PACRG: variants seen among roughly 807,000 people sequenced by gnomAD.
PACRG encodes parkin coregulated, also known as parkin coregulated gene protein.
In PACRG, 29 loss-of-function variants were observed where a neutral mutation model predicts 29.7. That is an observed-to-expected ratio of 0.98 (90% confidence interval 0.73 to 1.33). The LOEUF (loss-of-function observed/expected upper bound fraction) is 1.33. Ranked by LOEUF, PACRG falls within the 40% of genes most tolerant of loss-of-function variation. PACRG has a pLI of 0.00. For synonymous variants in PACRG, 116 were observed against 118.7 expected (o/e 0.98, Z 0.15); for missense variants, 279 against 316.2 (o/e 0.88, Z 0.89).
chr6:162,769,367 C>T (rs908860925), intron 1 of PACRG, among the ~76,000 whole-genome samples: 2 of 151,584 alleles, frequency 1.3e-5, no homozygotes, highest in Non-Finnish European at 2.9e-5. Flanking sequence ...CGGGGACAAA[C>T]GTTATTTACT....
chr6:163,267,278 G>A (rs1365423732), intron 4 of PACRG, among the ~76,000 whole-genome samples: 1 of 152,092 alleles, frequency 6.6e-6, no homozygotes, highest in East Asian at 1.9e-4. Context: ...ACGAGTCCCC[G>A]CCTCTTCCTA....
intron 2 of PACRG, among the ~76,000 whole-genome samples, chr6:163,045,400 A>G (rs1809228188): frequency 6.6e-6 from 1 of 152,126 alleles, no homozygotes; most frequent in South Asian, 2.1e-4. Context: ...TGTTATTTCT[A>G]TTATTTGAGT....
chr6:162,954,623 C>T (rs1799887621), intron 2 of PACRG, among the ~76,000 whole-genome samples: 1 of 152,064 alleles, frequency 6.6e-6, no homozygotes, highest in African/African-American at 2.4e-5. Context: ...TTTTTCTCCA[C>T]CTTATTAGCA....
At chr6:162,792,485 G>A (rs1020698933) in intron 1 of PACRG, among the ~76,000 whole-genome samples, 11 of 152,276 alleles carry the variant, frequency 7.2e-5, no homozygotes, top group South Asian at 4.1e-4. Context: ...TCAGAAACCT[G>A]GCTGGCCAGG....
At chr6:163,049,603 G>A (rs1809775714) in intron 2 of PACRG, among the ~76,000 whole-genome samples, 1 of 151,868 alleles carries the variant, frequency 6.6e-6, no homozygotes, top group South Asian at 2.1e-4. Context: ...CTTGAAATAG[G>A]CCAATGCCTC....
chr6:162,922,729 G>T (rs1468213054), intron 2 of PACRG, among the ~76,000 whole-genome samples: 3 of 152,120 alleles, frequency 2.0e-5, no homozygotes, highest in Non-Finnish European at 4.4e-5. Flanking sequence ...CATCCATGTT[G>T]CTGTGAATAA....
rs77471440 is a variant in PACRG, at chr6:162,774,847, T to C, written c.157-39300T>C. On this transcript the variant is annotated intron_variant, in intron 1 of 4. Coordinates refer to ENST00000366888, the MANE Select transcript of PACRG (RefSeq NM_001080379.2). ...CAGACATCAGAATGTAATATTTTAA[T>C]TCTATATGACCATCTGCCCTACCCG... Among the ~76,000 whole-genome samples the C allele has an allele frequency of 6.9e-3, 1,058 of 152,276 alleles. 19 individuals are homozygous for C. Among genetic ancestry groups the C allele is most frequent in the African/African-American group, 0.024 (1,017 of 41,544 alleles).
intron 4 of PACRG, among the ~76,000 whole-genome samples, chr6:163,162,372 A>G (rs1421381993): frequency 6.6e-6 from 1 of 152,214 alleles, no homozygotes; most frequent in Non-Finnish European, 1.5e-5. Context: ...GGGACGTTTT[A>G]AAAGTTCTGA....
At chr6:163,197,610 A>AT (rs34159560) in intron 4 of PACRG, among the ~76,000 whole-genome samples, 18 of 147,192 alleles carry the variant, frequency 1.2e-4, no homozygotes, top group South Asian at 6.5e-4. Flanking sequence ...CGCCCGGCTA[A>AT]TTTTTTTTTT....
At chr6:163,264,674 G>T (rs187914164) in intron 4 of PACRG, among the ~76,000 whole-genome samples, 29 of 152,304 alleles carry the variant, frequency 1.9e-4, no homozygotes, top group African/African-American at 6.7e-4. Context: ...TATACACGGT[G>T]AGGGCAGAGC....
chr6:162,794,369 T>C (rs1785198501), intron 1 of PACRG, among the ~76,000 whole-genome samples: 1 of 152,196 alleles, frequency 6.6e-6, no homozygotes, highest in African/African-American at 2.4e-5. Flanking sequence ...TTGATTATGC[T>C]TGTATATATC....
rs114799763 is a variant in PACRG, at chr6:162,813,105, G to A, written c.157-1042G>A. On this transcript the variant is annotated intron_variant, in intron 1 of 4. Transcript: ENST00000366888. ...AATGTATTTTTCATATCTAATATGT[G>A]TATTGTATGTTTATTTATTGTATGT... 3.8e-3 allele frequency among the ~76,000 whole-genome samples: 575 copies of A among 151,712 alleles called. 4 individuals carry two copies. The highest frequency in any genetic ancestry group is 0.013 in the African/African-American group (559 of 41,410).
At chr6:162,979,529 T>C (rs1477547587) in intron 2 of PACRG, among the ~76,000 whole-genome samples, 17 of 152,186 alleles carry the variant, frequency 1.1e-4, no homozygotes, top group Non-Finnish European at 2.2e-4. Context: ...TTCAGTTCAA[T>C]GTAATCTCAT....
chr6:162,954,552 A>G (rs1190892393), intron 2 of PACRG, among the ~76,000 whole-genome samples: 2 of 151,916 alleles, frequency 1.3e-5, no homozygotes, highest in Non-Finnish European at 2.9e-5. Context: ...TTATCATTGT[A>G]TCAGTATTTC....
intron 1 of PACRG, among the ~76,000 whole-genome samples, chr6:162,740,603 C>T (rs1350558595): frequency 2.3e-5 from 2 of 88,496 alleles, no homozygotes; most frequent in African/African-American, 6.1e-5. Context: ...AGGCATGAGC[C>T]ACTTTTTTTT....
At chr6:163,006,089 A>G (rs1450862540) in intron 2 of PACRG, among the ~76,000 whole-genome samples, 1 of 143,108 alleles carries the variant, frequency 7.0e-6, no homozygotes, top group Non-Finnish European at 1.5e-5. Context: ...GGTTTTGTTT[A>G]TATATATAAT....
At chr6:162,753,126 T>C (rs1781637341) in intron 1 of PACRG, among the ~76,000 whole-genome samples, 2 of 86,774 alleles carry the variant, frequency 2.3e-5, no homozygotes, top group Non-Finnish European at 4.2e-5. Context: ...ATTTACTCTC[T>C]TACTTTGAAA....
intron 4 of PACRG, among the ~76,000 whole-genome samples, chr6:163,178,864 T>G (rs1779513681): frequency 6.6e-6 from 1 of 152,194 alleles, no homozygotes; most frequent in African/African-American, 2.4e-5. Flanking sequence ...GTCTCTCTGG[T>G]GTATTTTAAG....
chr6:162,892,306 A>G (rs951655720), intron 2 of PACRG, among the ~76,000 whole-genome samples: 1 of 152,072 alleles, frequency 6.6e-6, no homozygotes, highest in Admixed American at 6.5e-5. Flanking sequence ...TCAAAAACTG[A>G]CTCAAAGACA....
Sources: allele counts gnomAD v4.1 joint callset (sites outside exome capture counted in the v4.1 genomes callset), GRCh38; gene constraint gnomAD v4.1.1; transcripts MANE v1.5; gene names NCBI Gene and HGNC (gene_info 2026-07-23, HGNC 2026-07-21).